Variants in OCIAD1 observed in about 807,000 individuals in gnomAD.
OCIAD1 encodes the protein OCIA domain containing 1.
In OCIAD1, 29 loss-of-function variants were observed where a neutral mutation model predicts 38.9. That is an observed-to-expected ratio of 0.74 (90% CI 0.55 to 1.02). The LOEUF is 1.02. OCIAD1 is among the 50% of genes least tolerant of loss of function. The pLI is 0.00. For missense variants in OCIAD1, 288 were observed against 289.6 expected, an observed-to-expected ratio of 0.99 and a Z score of 0.04; for synonymous variants, 110 against 92.0, an observed-to-expected ratio of 1.20 and a Z score of -1.12.
chr4:48,826,426 A>G (rs1777251480), upstream of OCIAD1, among the ~76,000 whole-genome samples: 1 of 152,116 alleles, frequency 6.6e-6, no homozygotes, highest in Non-Finnish European at 1.5e-5. Context: ...TCCTTGCGAT[A>G]GTTTGCTGAG....
chr4:48,810,468 C>CAAA (rs749988114), intron 1 of OCIAD1, among the ~76,000 whole-genome samples: 25 of 42,222 alleles, frequency 5.9e-4, no homozygotes, highest in East Asian at 1.4e-3. Flanking sequence ...GACTCCATCT[C>CAAA]AAAAAAAAAA....
chr4:48,846,049 C>T (rs192455431), intron 4 of OCIAD1, among the ~76,000 whole-genome samples: 68 of 152,302 alleles, frequency 4.5e-4, no homozygotes, highest in Non-Finnish European at 7.8e-4. Flanking sequence ...ACACTATTAT[C>T]TTTGTCTTAA....
intron 8 of OCIAD1, among the ~76,000 whole-genome samples, chr4:48,857,704 G>T (rs1780189299): frequency 6.6e-6 from 1 of 151,884 alleles, no homozygotes; most frequent in South Asian, 2.1e-4. Flanking sequence ...TAGTAGAGAT[G>T]GGGTTTCATC....
chr4:48,842,783 T>A, intron 4 of OCIAD1, 94 bp downstream of exon 4: 1 of 669,712 alleles, frequency 1.5e-6, no homozygotes, highest in Non-Finnish European at 2.5e-6. Context: ...AAGATAACAA[T>A]GTATCATATT....
chr4:48,830,194 A>G (rs1263378947), upstream of OCIAD1, among the ~76,000 whole-genome samples: 1 of 152,230 alleles, frequency 6.6e-6, no homozygotes, highest in Non-Finnish European at 1.5e-5. Context: ...TCGGTGCATG[A>G]CTGGAGCTAT....
At chr4:48,825,183 G>T (rs1479932720) in intron 1 of OCIAD1, among the ~76,000 whole-genome samples, 3 of 152,236 alleles carry the variant, frequency 2.0e-5, no homozygotes, top group Admixed American at 6.5e-5. Context: ...TGAAGACTGA[G>T]ATATGGGCTT....
intron 6 of OCIAD1, among the ~76,000 whole-genome samples, chr4:48,850,382 T>C (rs6839713): frequency 0.98 from 149,422 of 152,182 alleles, 73,414 homozygotes; most frequent in East Asian, 1. Context: ...CCTCAAGCTC[T>C]CTGAGTAGCT....
Position 48,833,486 on chromosome 4 carries a change from G to A in OCIAD1, c.139+5G>A, listed in dbSNP as rs1290367395. On this transcript the variant is annotated splice_donor_5th_base_variant and intron_variant, in intron 3 of 8. Transcript: ENST00000264312. Reference sequence around the variant, plus strand: ...ATGAAAGCTTCTGGTTCAGATGTGAGTTCAATTTTCTAATTAATATAATTT... The same window carrying A: ...ATGAAAGCTTCTGGTTCAGATGTGAATTCAATTTTCTAATTAATATAATTT... 3 of 1,538,562 alleles carry A rather than the reference G, an allele frequency of 1.9e-6. No individual in the cohort carries two copies. The highest frequency in any genetic ancestry group is 4.5e-5 in the East Asian group (2 of 44,498).
At chr4:48,850,263 G>T (rs890031081) in intron 6 of OCIAD1, among the ~76,000 whole-genome samples, 181 bp downstream of exon 6, 20 of 152,046 alleles carry the variant, frequency 1.3e-4, no homozygotes, top group Non-Finnish European at 1.9e-4. Context: ...ATTTATTTAT[G>T]AATGAATGAA....
At chr4:48,817,179 G>A (rs1029279408) in intron 1 of OCIAD1, among the ~76,000 whole-genome samples, 18 of 152,220 alleles carry the variant, frequency 1.2e-4, no homozygotes, top group Admixed American at 6.5e-5. Flanking sequence ...CCCGGGAAGT[G>A]TAAGGAGCCA....
chr4:48,831,495 A>G, intron 1 of OCIAD1: 1 of 1,290,554 alleles, frequency 7.7e-7, no homozygotes, highest in Non-Finnish European at 1.0e-6. Flanking sequence ...CTGTAACGGC[A>G]GGTGGGAGAC....
At chr4:48,830,569 C>T (rs1777389999), upstream of OCIAD1, 1 of 152,194 alleles carries the variant, frequency 6.6e-6, no homozygotes, top group African/African-American at 2.4e-5. Context: ...TGTAATTCCA[C>T]TTTTCAGGTG....
intron 1 of OCIAD1, among the ~76,000 whole-genome samples, chr4:48,816,105 C>G (rs116221259): frequency 6.6e-6 from 1 of 152,314 alleles, no homozygotes; most frequent in Admixed American, 6.5e-5. Context: ...TCATTACCTT[C>G]TTCCTGCTAG....
At chr4:48,812,177 G>A (rs1392251771) in intron 1 of OCIAD1, among the ~76,000 whole-genome samples, 1 of 149,094 alleles carries the variant, frequency 6.7e-6, no homozygotes, top group African/African-American at 2.5e-5. Context: ...CAGCTACTTG[G>A]GAGGCTGAGG....
intron 1 of OCIAD1, among the ~76,000 whole-genome samples, chr4:48,809,467 G>A (rs192145473): frequency 5.4e-4 from 82 of 152,060 alleles, no homozygotes; most frequent in Admixed American, 1.4e-3. Context: ...TGGAGGTTGC[G>A]GTGAGTCAAG....
At position 48,852,756 on chromosome 4, in the gene OCIAD1, T is replaced by C. The variant is rs190406739; in HGVS notation, c.547+781T>C. Among the ~76,000 whole-genome samples the C allele has an allele frequency of 1.5e-3, 225 of 152,314 alleles. 1 individual carries two copies. Among genetic ancestry groups the C allele is most frequent in the African/African-American group, 4.8e-3 (201 of 41,560 alleles). ...AAATAATAGACTCAAAAAACATTAGTTTCTTTCCTTCAGTCTAGTCGGCAG... is the reference window on the plus strand; with the variant it reads ...AAATAATAGACTCAAAAAACATTAGCTTCTTTCCTTCAGTCTAGTCGGCAG... On this transcript the variant is annotated intron_variant, in intron 7 of 8. Coordinates refer to ENST00000264312, the MANE Select transcript of OCIAD1 (RefSeq NM_017830.4).
intron 1 of OCIAD1, among the ~76,000 whole-genome samples, chr4:48,819,734 AAAAAAAAAAAG>A (rs1460342030): frequency 6.9e-6 from 1 of 145,544 alleles, no homozygotes; most frequent in African/African-American, 2.5e-5. Context: ...AAAAAAAAAA[AAAAAAAAAAAG>A]GAGGGGTTGC....
At chr4:48,829,641 T>C (rs1232896246), upstream of OCIAD1, among the ~76,000 whole-genome samples, 1 of 152,192 alleles carries the variant, frequency 6.6e-6, no homozygotes, top group Admixed American at 6.5e-5. Context: ...TGACATCAAC[T>C]GAAGTCTCAG....
chr4:48,833,095 C>CA (rs1484149743), intron 2 of OCIAD1, among the ~76,000 whole-genome samples: 1 of 151,932 alleles, frequency 6.6e-6, no homozygotes, highest in African/African-American at 2.4e-5. Flanking sequence ...TACTAAAATA[C>CA]AAAAAATTAG....
Sources: allele counts gnomAD v4.1 joint callset (sites outside exome capture counted in the v4.1 genomes callset), GRCh38; gene constraint gnomAD v4.1.1; transcripts MANE v1.5; gene names NCBI Gene and HGNC (gene_info 2026-07-23, HGNC 2026-07-21).